Variants in IFT80 observed in about 807,000 individuals in gnomAD.
The protein encoded by IFT80 is intraflagellar transport 80, also known as intraflagellar transport protein 80 homolog.
In IFT80, 79 loss-of-function variants were observed where a neutral mutation model predicts 107.9. That is an observed-to-expected ratio of 0.73 (90% CI 0.61 to 0.88). The LOEUF (loss-of-function observed/expected upper bound fraction) is 0.88, where lower values mean the gene tolerates loss of function less well. Ranked by LOEUF, IFT80 falls within the 40% of genes least tolerant of loss-of-function variation. IFT80 has a pLI of 0.00. For synonymous variants in IFT80, 299 were observed against 300.9 expected, an observed-to-expected ratio of 0.99 and a Z score of 0.07; for missense variants, 797 against 914.2, an observed-to-expected ratio of 0.87 and a Z score of 1.65.
chr3:160,317,602 T>C (rs569028901), intron 9 of IFT80, among the ~76,000 whole-genome samples: 63 of 152,264 alleles, frequency 4.1e-4, no homozygotes, highest in African/African-American at 1.4e-3. Flanking sequence ...TTCTATGTCA[T>C]ATACAGAATA....
chr3:160,312,596 A>T (rs530770767), intron 9 of IFT80, among the ~76,000 whole-genome samples: 1,323 of 88,926 alleles, frequency 0.015, 23 homozygotes, highest in Non-Finnish European at 0.023. Flanking sequence ...ATATATAATA[A>T]ATATATATTA....
intron 3 of IFT80, among the ~76,000 whole-genome samples, chr3:160,378,490 T>A (rs1255142941): frequency 1.3e-5 from 2 of 152,212 alleles, no homozygotes; most frequent in African/African-American, 4.8e-5. Context: ...CACTGTTATC[T>A]TGTTTTTTTA....
At chr3:160,357,727 T>C (rs1721197209) in intron 6 of IFT80, 149 bp from the exon 7 acceptor site, 1 of 604,664 alleles carries the variant, frequency 1.7e-6, no homozygotes, top group Admixed American at 2.9e-5. Context: ...GTACAATACC[T>C]CATTTGCTTG....
chr3:160,315,458 G>A (rs1717750778), intron 9 of IFT80, among the ~76,000 whole-genome samples: 1 of 152,128 alleles, frequency 6.6e-6, no homozygotes, highest in South Asian at 2.1e-4. Context: ...GAAGCCCTCT[G>A]GGGAGGTATG....
chr3:160,378,240 T>TAAAAAAAAAAA (rs796824605), intron 3 of IFT80, among the ~76,000 whole-genome samples: 1 of 133,764 alleles, frequency 7.5e-6, no homozygotes. Context: ...TTATAGCCTA[T>TAAAAAAAAAAA]AAAAAAAAAA....
At chr3:160,370,298 T>G (rs573071374) in intron 5 of IFT80, among the ~76,000 whole-genome samples, 1 of 152,240 alleles carries the variant, frequency 6.6e-6, no homozygotes, top group Non-Finnish European at 1.5e-5. Flanking sequence ...TATATAGCAC[T>G]ATCTGTTAAC....
intron 12 of IFT80, among the ~76,000 whole-genome samples, chr3:160,290,754 G>A (rs369499395): frequency 6.6e-6 from 1 of 152,020 alleles, no homozygotes; most frequent in African/African-American, 2.4e-5. Context: ...GTAAAGTCGG[G>A]GTTTCGCCAT....
intron 12 of IFT80, among the ~76,000 whole-genome samples, chr3:160,297,622 T>C (rs941102238): frequency 2.6e-5 from 4 of 151,946 alleles, no homozygotes; most frequent in Admixed American, 2.0e-4. Flanking sequence ...TTGCCAATTA[T>C]GAAAAATAAA....
intron 8 of IFT80, among the ~76,000 whole-genome samples, chr3:160,330,379 GCTAA>G (rs1430357368): frequency 6.6e-6 from 1 of 152,158 alleles, no homozygotes; most frequent in Non-Finnish European, 1.5e-5. Flanking sequence ...CAACTCGTCT[GCTAA>G]CTATTAACAC....
intron 1 of IFT80, among the ~76,000 whole-genome samples, chr3:160,385,746 G>A (rs925944489): frequency 4.6e-5 from 7 of 152,112 alleles, no homozygotes; most frequent in African/African-American, 1.7e-4. Context: ...CACTTTTTTG[G>A]TCTTTAGGAG....
intron 6 of IFT80, among the ~76,000 whole-genome samples, chr3:160,363,035 A>G (rs932795084): frequency 1.3e-5 from 2 of 152,240 alleles, no homozygotes; most frequent in African/African-American, 4.8e-5. Context: ...AGGCAAGAGA[A>G]GGAAATAAAG....
rs1242544327 is a variant in IFT80, at chr3:160,356,092, G to A, written c.698C>T (p.Thr233Ile). 1 of 1,614,164 alleles carries A rather than the reference G, an allele frequency of 6.2e-7. No individual in the cohort carries two copies. The highest frequency in any genetic ancestry group is 8.5e-7 in the Non-Finnish European group (1 of 1,179,986). Residue 233 changes from threonine (T) to isoleucine (I), a missense_variant, in exon 8 of 20, where the codon ACT becomes ATT. Thr to Ile is a moderately conservative substitution (Grantham distance 89, BLOSUM62 -1). Transcript: ENST00000326448. Reference sequence around the variant, plus strand: ...TCCATCTGGAGCCCAGGCAACTGAAGTAATGGGATGCTCATGAGGTTGTGA... The same window carrying A: ...TCCATCTGGAGCCCAGGCAACTGAAATAATGGGATGCTCATGAGGTTGTGA... Reference protein sequence around the residue: ...YNSQPHEHPITSVAWAPDGEL... With the variant: ...YNSQPHEHPIISVAWAPDGEL...
intron 8 of IFT80, among the ~76,000 whole-genome samples, chr3:160,347,439 C>G (rs1720370250): frequency 6.6e-6 from 1 of 152,052 alleles, no homozygotes; most frequent in African/African-American, 2.4e-5. Flanking sequence ...TTCTGTGACA[C>G]CATACCTCTT....
At chr3:160,345,669 T>G (rs1238725110) in intron 8 of IFT80, among the ~76,000 whole-genome samples, 1 of 127,184 alleles carries the variant, frequency 7.9e-6, no homozygotes. Flanking sequence ...ACTCCAGCCT[T>G]GGCGAGAGAG....
intron 19 of IFT80, among the ~76,000 whole-genome samples, chr3:160,264,599 CTTT>C (rs567273435): frequency 4.8e-5 from 6 of 125,228 alleles, no homozygotes; most frequent in Admixed American, 8.1e-5. Context: ...GTCCAGCTAA[CTTT>C]TTTTTTTTTT....
chr3:160,259,567 CA>C (rs1287723937), intron 19 of IFT80, among the ~76,000 whole-genome samples: 3 of 152,174 alleles, frequency 2.0e-5, no homozygotes, highest in Non-Finnish European at 2.9e-5. Flanking sequence ...GAAGGGAAAG[CA>C]AGACTGGGAA....
chr3:160,289,346 T>C (rs2108247378), intron 12 of IFT80, among the ~76,000 whole-genome samples: 1 of 152,270 alleles, frequency 6.6e-6, no homozygotes, highest in Middle Eastern at 3.4e-3. Flanking sequence ...AAAATAATTA[T>C]TGGGTACTAG....
intron 11 of IFT80, among the ~76,000 whole-genome samples, chr3:160,302,884 TTAAC>T (rs1716547545): frequency 1.3e-5 from 2 of 152,178 alleles, no homozygotes; most frequent in Non-Finnish European, 2.9e-5. Context: ...CAATAACTAT[TTAAC>T]TGATAACTTT....
chr3:160,357,752 T>G (rs1721198854), intron 6 of IFT80, among the ~76,000 whole-genome samples, 174 bp from the exon 7 acceptor site: 1 of 152,232 alleles, frequency 6.6e-6, no homozygotes, highest in Admixed American at 6.5e-5. Context: ...ATTTGTAATT[T>G]ATACTAATGT....
Sources: gnomAD v4.1 joint callset for allele counts (sites outside exome capture counted in the v4.1 genomes callset) on GRCh38, gnomAD v4.1.1 for gene constraint, MANE v1.5 for transcripts, NCBI Gene and HGNC (gene_info 2026-07-23, HGNC 2026-07-21) for gene names.